NEBL: variants seen among roughly 807,000 people sequenced by gnomAD.
NEBL encodes nebulette.
In NEBL, 122 loss-of-function variants were observed where a neutral mutation model predicts 140.2. That is an observed-to-expected ratio of 0.87 (90% CI 0.75 to 1.01). The LOEUF (loss-of-function observed/expected upper bound fraction) is 1.01, where lower values mean the gene tolerates loss of function less well. NEBL is among the 50% of genes least tolerant of loss of function. The probability of loss-of-function intolerance (pLI) is 0.00; values close to 1 mark genes in which losing one functional copy is unlikely to be tolerated. For missense variants in NEBL, 1,365 were observed against 1,231.3 expected, an observed-to-expected ratio of 1.11 and a Z score of -1.62; for synonymous variants, 436 against 398.9, an observed-to-expected ratio of 1.09 and a Z score of -1.11.
chr10:21,259,836 A>C (rs145497193), intron 1 of NEBL, among the ~76,000 whole-genome samples: 1 of 152,118 alleles, frequency 6.6e-6, no homozygotes. Flanking sequence ...CCTAGAGGGC[A>C]GGGGGGTGGA....
rs1773094775 is a variant in NEBL, at chr10:21,054,827, T to A, written c.165-34626A>T. 2.6e-5 allele frequency among the ~76,000 whole-genome samples: 4 copies of A among 152,310 alleles called. No individual in the cohort carries two copies. The South Asian group carries it at 8.3e-4, about 32-fold the overall frequency. ...TCGGAGGCATACAGTACAATCATAG[T>A]ATCCAAAAATGCCCAAATTTTTCAA... is the stretch of plus-strand genomic sequence containing the variant. On this transcript the variant is annotated intron_variant, in intron 2 of 6. Transcript: ENST00000417816.
chr10:20,966,010 C>T (rs1355336821), intron 3 of NEBL, among the ~76,000 whole-genome samples: 1 of 152,222 alleles, frequency 6.6e-6, no homozygotes, highest in African/African-American at 2.4e-5. Flanking sequence ...TATCTCCCTA[C>T]AGTCTTATCC....
chr10:21,022,436 A>G (rs532565514), intron 2 of NEBL, among the ~76,000 whole-genome samples: 52 of 152,324 alleles, frequency 3.4e-4, no homozygotes, highest in Admixed American at 1.3e-3. Flanking sequence ...AAGATTAAAT[A>G]TTGTAGCTCC....
chr10:20,906,209 CTTT>C (rs1848085781), intron 4 of NEBL, among the ~76,000 whole-genome samples: 1 of 152,112 alleles, frequency 6.6e-6, no homozygotes, highest in Non-Finnish European at 1.5e-5. Context: ...ATAATTACAG[CTTT>C]ATTATTAAAA....
At chr10:20,880,766 G>T in intron 5 of NEBL, 28 bp downstream of exon 5, 1 of 1,542,316 alleles carries the variant, frequency 6.5e-7, no homozygotes, top group Non-Finnish European at 9.0e-7. Flanking sequence ...CAGTTCGCTA[G>T]AAAATCATGA....
At chr10:21,172,321 G>T in intron 2 of NEBL, 1 of 1,312,908 alleles carries the variant, frequency 7.6e-7, no homozygotes, top group Non-Finnish European at 1.1e-6. Context: ...AAACAGGCAG[G>T]TCCACTGGCT....
At chr10:20,815,080 T>A (rs1169940201) in intron 22 of NEBL, among the ~76,000 whole-genome samples, 2 of 152,206 alleles carry the variant, frequency 1.3e-5, no homozygotes, top group African/African-American at 4.8e-5. Flanking sequence ...TTATGTACAA[T>A]TCAGAATTGA....
At chr10:20,794,597 T>A (rs1354982743) in intron 26 of NEBL, among the ~76,000 whole-genome samples, 1 of 152,206 alleles carries the variant, frequency 6.6e-6, no homozygotes, top group African/African-American at 2.4e-5. Flanking sequence ...GCAACCTGCA[T>A]CTTTATAAGA....
intron 2 of NEBL, chr10:21,030,518 T>C (rs1379374642): frequency 2.5e-6 from 2 of 806,650 alleles, no homozygotes; most frequent in Non-Finnish European, 4.2e-6. Context: ...GAATGCTTGG[T>C]GAAGTGAGGT....
At chr10:21,058,718 T>G (rs1313015559) in intron 2 of NEBL, among the ~76,000 whole-genome samples, 1 of 152,238 alleles carries the variant, frequency 6.6e-6, no homozygotes, top group Non-Finnish European at 1.5e-5. Flanking sequence ...GGTTCACAAT[T>G]TCAAGGGAAC....
At chr10:21,082,534 C>CAAAAAAAA (rs1360732942) in intron 2 of NEBL, among the ~76,000 whole-genome samples, 1 of 43,350 alleles carries the variant, frequency 2.3e-5, no homozygotes, top group Admixed American at 2.7e-4. Flanking sequence ...CCCACCACCA[C>CAAAAAAAA]TAAAAAAAAA....
At chr10:21,083,103 G>A (rs1026036028) in intron 2 of NEBL, among the ~76,000 whole-genome samples, 1 of 152,152 alleles carries the variant, frequency 6.6e-6, no homozygotes, top group Non-Finnish European at 1.5e-5. Flanking sequence ...TTAAGCAGGA[G>A]CGCAGTGCTG....
chr10:20,817,532 A>C lies in NEBL; in HGVS notation c.2148+68T>G, dbSNP rs1838846304. ...AAGGTTATGAAAATTCTATAAATAC[A>C]ATCCCTTCATTCACACGTGGACAAT... On this transcript the variant is annotated intron_variant, in intron 21 of 27. Transcript: ENST00000377122. 5.7e-6 allele frequency: 7 copies of C among 1,227,436 alleles called. No individual in the cohort carries two copies. In the East Asian group the frequency reaches 1.4e-4, roughly 24 times the overall value. The allele number at this position is 1,227,436 out of a possible 1,614,324, so 76.0% of individuals were successfully genotyped here.
intron 4 of NEBL, among the ~76,000 whole-genome samples, chr10:20,886,468 G>T (rs1270922921): frequency 1.3e-5 from 2 of 152,154 alleles, no homozygotes; most frequent in African/African-American, 4.8e-5. Context: ...GGCAGAGGTT[G>T]CAGTGAGCTG....
chr10:20,938,286 T>A (rs1251949866), intron 4 of NEBL, among the ~76,000 whole-genome samples: 1 of 152,194 alleles, frequency 6.6e-6, no homozygotes, highest in Non-Finnish European at 1.5e-5. Context: ...CTCACCAATG[T>A]CTGCTGTTCT....
chr10:20,858,338 A>C lies in NEBL; in HGVS notation c.805T>G (p.Tyr269Asp), dbSNP rs1176557513. The C allele has an allele frequency of 6.3e-7, 1 of 1,593,422 alleles. No homozygotes were observed. The highest frequency in any genetic ancestry group is 8.6e-7 in the Non-Finnish European group (1 of 1,161,130). ...TGCATATTTTGAATGTCTTTCTTGT[A>C]CTTCACCTATGAAAATAACATGGAA... ...LAATLASNVK[Y>D]KKDIQNMHDP... is the part of the protein sequence containing the mutation. Residue 269 changes from tyrosine (Y) to aspartate (D), a missense_variant, in exon 9 of 28, where the codon TAC becomes GAC. Tyr to Asp is a radical substitution (Grantham distance 160). Coordinates refer to ENST00000377122, the MANE Select transcript of NEBL (RefSeq NM_006393.3).
rs536206120 is a variant in NEBL at position 20,932,751 on chromosome 10, G to A, written c.357+28921C>T. ...ACCATTTTATTTGTCGATACTAATC[G>A]TTGTGCTATTTCTTCACATGCCTTT... On this transcript the variant is annotated intron_variant, in intron 4 of 6. Transcript: ENST00000417816. Among the ~76,000 whole-genome samples, 25 of 152,210 alleles carry A rather than the reference G, an allele frequency of 1.6e-4. No individual in the cohort carries two copies. The East Asian group carries it at 1.9e-3, about 12-fold the overall frequency.
intron 7 of NEBL, chr10:20,867,870 C>T (rs1366629199): frequency 5.3e-5 from 8 of 151,936 alleles, no homozygotes; most frequent in Non-Finnish European, 1.2e-4. Context: ...CCTATTCTAT[C>T]CTACTGATTA....
intron 3 of NEBL, among the ~76,000 whole-genome samples, chr10:20,889,171 C>T (rs1026829203): frequency 3.9e-5 from 6 of 152,332 alleles, no homozygotes; most frequent in African/African-American, 9.6e-5. Context: ...TCTTTTCAAA[C>T]GTATCTCTTC....
Sources: allele counts gnomAD v4.1 joint callset (sites outside exome capture counted in the v4.1 genomes callset), GRCh38; gene constraint gnomAD v4.1.1; transcripts MANE v1.5; gene names NCBI Gene and HGNC (gene_info 2026-07-23, HGNC 2026-07-21).